The following SLC30A6 variants were observed in gnomAD, a reference collection of about 807,000 sequenced individuals.
SLC30A6 encodes the protein solute carrier family 30 member 6.
Under a neutral mutation model 63.0 loss-of-function variants are expected in SLC30A6, and 55 were observed. The ratio of observed to expected loss-of-function variants is 0.87; its 90% CI spans 0.70 to 1.09. The LOEUF is 1.09. SLC30A6 is among the 50% of genes least tolerant of loss of function. The pLI is 0.00. For synonymous variants in SLC30A6, 224 were observed against 186.1 expected, an observed-to-expected ratio of 1.20 and a Z score of -1.66; for missense variants, 587 against 549.2, an observed-to-expected ratio of 1.07 and a Z score of -0.69.
rs1334683105 is a variant in SLC30A6 at position 32,193,344 on chromosome 2, G to A, written c.401+391G>A. Among the ~76,000 whole-genome samples, 4 of 152,068 alleles carry A rather than the reference G, an allele frequency of 2.6e-5. No individual in the cohort carries two copies. In the East Asian group the frequency reaches 7.7e-4, roughly 29 times the overall value. The stretch of plus-strand genomic sequence containing the variant: ...AATCCCAGCACTTTGGGAGGCTAAG[G>A]CAGGAGGATCGCTTGAGTTCAGGAG... On this transcript the variant is annotated intron_variant, in intron 7 of 13. Transcript: ENST00000282587.
At chr2:32,200,059 A>G (rs939319896) in intron 10 of SLC30A6, among the ~76,000 whole-genome samples, 1 of 151,784 alleles carries the variant, frequency 6.6e-6, no homozygotes, top group Non-Finnish European at 1.5e-5. Context: ...AGGAGGTTAT[A>G]TATATATGAG....
chr2:32,199,715 G>A (rs555045740), intron 10 of SLC30A6, among the ~76,000 whole-genome samples: 7 of 151,658 alleles, frequency 4.6e-5, no homozygotes, highest in Non-Finnish European at 8.8e-5. Flanking sequence ...GTTTTTTGAG[G>A]AACTCCAGTG....
chr2:32,200,414 G>C, intron 10 of SLC30A6, among the ~76,000 whole-genome samples: 1 of 151,932 alleles, frequency 6.6e-6, no homozygotes, highest in East Asian at 1.9e-4. Flanking sequence ...AATAGAAAAG[G>C]GGGAAAGGTG....
intron 4 of SLC30A6, among the ~76,000 whole-genome samples, chr2:32,178,467 A>G (rs536257958): frequency 1.3e-5 from 2 of 152,206 alleles, no homozygotes; most frequent in African/African-American, 2.4e-5. Flanking sequence ...TGAGGTCAAG[A>G]GTTTGAGACC....
At chr2:32,197,001 A>G (rs1400215946) in intron 8 of SLC30A6, among the ~76,000 whole-genome samples, 14 of 152,220 alleles carry the variant, frequency 9.2e-5, no homozygotes, top group Non-Finnish European at 1.5e-5. Flanking sequence ...CAGAGGTTGC[A>G]GTGAGCCGAG....
At chr2:32,216,896 G>GTT (rs558509956) in intron 13 of SLC30A6, among the ~76,000 whole-genome samples, 22 of 144,670 alleles carry the variant, frequency 1.5e-4, no homozygotes, top group African/African-American at 2.5e-4. Context: ...TTTGAGGTCT[G>GTT]TTTTTTTTTT....
intron 11 of SLC30A6, among the ~76,000 whole-genome samples, chr2:32,205,999 C>T (rs1684736833): frequency 6.6e-6 from 1 of 151,922 alleles, no homozygotes; most frequent in African/African-American, 2.4e-5. Flanking sequence ...TATTTTCCCT[C>T]AGTAAATGTG....
intron 11 of SLC30A6, among the ~76,000 whole-genome samples, chr2:32,205,803 G>T (rs1293435798): frequency 6.6e-6 from 1 of 151,336 alleles, no homozygotes; most frequent in Non-Finnish European, 1.5e-5. Flanking sequence ...GAGTAGCTGG[G>T]ACTACAGCCA....
intron 8 of SLC30A6, among the ~76,000 whole-genome samples, chr2:32,195,124 G>A (rs1683667461): frequency 7.1e-6 from 1 of 140,790 alleles, no homozygotes; most frequent in African/African-American, 2.7e-5. Flanking sequence ...TTTTGAAACG[G>A]AGTCTCACTC....
intron 10 of SLC30A6, chr2:32,201,769 A>C: frequency 7.4e-7 from 1 of 1,358,060 alleles, no homozygotes; most frequent in Admixed American, 1.9e-5. Context: ...TTTAAACAAG[A>C]TAAGCTGAAA....
intron 13 of SLC30A6, among the ~76,000 whole-genome samples, chr2:32,218,034 G>A (rs1224134843): frequency 6.6e-6 from 1 of 151,804 alleles, no homozygotes; most frequent in East Asian, 1.9e-4. Context: ...TTGTAGAGAT[G>A]GGGTTTCACC....
chr2:32,202,305 G>A, intron 10 of SLC30A6: 1 of 439,026 alleles, frequency 2.3e-6, no homozygotes, highest in South Asian at 2.6e-5. Flanking sequence ...TTGATTGAAA[G>A]ACTCCAAAGA....
chr2:32,219,306 G>C (rs973194355), intron 13 of SLC30A6, among the ~76,000 whole-genome samples: 8 of 151,900 alleles, frequency 5.3e-5, no homozygotes, highest in Non-Finnish European at 1.2e-4. Context: ...AAAGTGCTGG[G>C]ATTACAGGCG....
intron 1 of SLC30A6, among the ~76,000 whole-genome samples, chr2:32,167,520 C>G (rs1680791906): frequency 6.6e-6 from 1 of 151,458 alleles, no homozygotes; most frequent in South Asian, 2.1e-4. Context: ...CAGAATTGTT[C>G]TCTGTTCTCT....
At chr2:32,185,497 G>A (rs922116466) in intron 5 of SLC30A6, among the ~76,000 whole-genome samples, 4 of 151,844 alleles carry the variant, frequency 2.6e-5, no homozygotes, top group African/African-American at 7.3e-5. Context: ...TTTTTTACCT[G>A]AAGAGGCATA....
At chr2:32,181,933 CTTTTTTTTTTT>C (rs34589397) in intron 4 of SLC30A6, among the ~76,000 whole-genome samples, 2 of 122,934 alleles carry the variant, frequency 1.6e-5, no homozygotes, top group Non-Finnish European at 3.4e-5. Context: ...TTTTTCTTTT[CTTTTTTTTTTT>C]TTTTTTTTGA....
At chr2:32,210,179 G>GT (rs1188040665) in intron 13 of SLC30A6, among the ~76,000 whole-genome samples, 2 of 152,162 alleles carry the variant, frequency 1.3e-5, no homozygotes, top group East Asian at 3.9e-4. Context: ...GAAAACTGCT[G>GT]TTGATATTTT....
chr2:32,174,548 A>ATTTTTTTTTTTTTTTTTTTTTT (rs11432136), intron 3 of SLC30A6, among the ~76,000 whole-genome samples: 1 of 92,260 alleles, frequency 1.1e-5, no homozygotes, highest in Non-Finnish European at 1.9e-5. Context: ...CTATCTGGAG[A>ATTTTTTTTTTTTTTTTTTTTTT]TTTTTTTTTT....
chr2:32,208,471 G>T (rs1443768306), intron 12 of SLC30A6, among the ~76,000 whole-genome samples: 1 of 151,468 alleles, frequency 6.6e-6, no homozygotes, highest in Non-Finnish European at 1.5e-5. Flanking sequence ...AAAGAGATGG[G>T]GTCTTGCTAT....
Sources: allele counts gnomAD v4.1 joint callset (sites outside exome capture counted in the v4.1 genomes callset), GRCh38; gene constraint gnomAD v4.1.1; transcripts MANE v1.5; gene names NCBI Gene and HGNC (gene_info 2026-07-23, HGNC 2026-07-21).